Variants in YEATS4 observed in about 807,000 individuals in gnomAD.
YEATS4 encodes YEATS domain containing 4, also known as YEATS domain-containing protein 4.
A neutral mutation model predicts 30.1 loss-of-function variants in YEATS4; 17 were observed. That is an observed-to-expected ratio of 0.56 (90% CI 0.39 to 0.85). The LOEUF is 0.85. Among genes scored for constraint, YEATS4 ranks in the 40% least tolerant of loss-of-function variants. The probability of loss-of-function intolerance (pLI) is 0.00; values close to 1 mark genes in which losing one functional copy is unlikely to be tolerated. For synonymous variants in YEATS4, 85 were observed against 87.5 expected, an observed-to-expected ratio of 0.97 and a Z score of 0.16; for missense variants, 142 against 268.3, an observed-to-expected ratio of 0.53 and a Z score of 3.29.
At chr12:69,374,929 G>A (rs979420909) in intron 6 of YEATS4, among the ~76,000 whole-genome samples, 3 of 142,432 alleles carry the variant, frequency 2.1e-5, no homozygotes, top group Non-Finnish European at 4.6e-5. Flanking sequence ...CGGGCAGAGG[G>A]GCTCCTCACT....
chr12:69,397,831 A>T, the YEATS4 span, among the ~76,000 whole-genome samples: 1 of 152,132 alleles, frequency 6.6e-6, no homozygotes, highest in African/African-American at 2.4e-5. Context: ...GGAGAAACTA[A>T]TCCTGCCCAC....
chr12:69,401,515 T>C, the YEATS4 span, among the ~76,000 whole-genome samples: 1 of 152,144 alleles, frequency 6.6e-6, no homozygotes, highest in East Asian at 1.9e-4. Context: ...ACCTAAGCAG[T>C]GCTGCTAGGT....
chr12:69,377,715 C>CT (rs1225856424), intron 6 of YEATS4, among the ~76,000 whole-genome samples: 1 of 150,710 alleles, frequency 6.6e-6, no homozygotes, highest in Non-Finnish European at 1.5e-5. Flanking sequence ...ACATTACTTG[C>CT]TTTTTTAAAA....
At chr12:69,419,817 C>T in the YEATS4 span, among the ~76,000 whole-genome samples, 1 of 152,190 alleles carries the variant, frequency 6.6e-6, no homozygotes, top group Non-Finnish European at 1.5e-5. Flanking sequence ...GCTAGTAAGA[C>T]ATTTGAGAAA....
chr12:69,406,680 T>TA, the YEATS4 span, among the ~76,000 whole-genome samples: 376 of 152,346 alleles, frequency 2.5e-3, 2 homozygotes, highest in Middle Eastern at 0.01. Context: ...TTTCACTTAA[T>TA]ATTATATGTC....
chr12:69,418,186 T>A, the YEATS4 span, among the ~76,000 whole-genome samples: 7 of 152,304 alleles, frequency 4.6e-5, no homozygotes, highest in Admixed American at 1.3e-4. Context: ...AGTTCCAAAA[T>A]CTTTCATTTC....
chr12:69,361,359 C>A (rs1382758271), intron 1 of YEATS4: 1 of 152,120 alleles, frequency 6.6e-6, no homozygotes, highest in Non-Finnish European at 1.5e-5. Flanking sequence ...GCAACCTCCA[C>A]CTCCTGGATT....
the YEATS4 span, among the ~76,000 whole-genome samples, chr12:69,425,827 T>G: frequency 6.6e-6 from 1 of 152,226 alleles, no homozygotes; most frequent in Admixed American, 6.5e-5. Context: ...CAACCCACTG[T>G]GTGATCTCAT....
At chr12:69,405,024 A>C in the YEATS4 span, among the ~76,000 whole-genome samples, 1 of 152,356 alleles carries the variant, frequency 6.6e-6, no homozygotes, top group East Asian at 1.9e-4. Flanking sequence ...AGAGAGAGGA[A>C]GATACGGCCT....
At chr12:69,372,774 T>G (rs630725) in intron 6 of YEATS4, among the ~76,000 whole-genome samples, 69,960 of 151,814 alleles carry the variant, frequency 0.46, 16,160 homozygotes, top group Non-Finnish European at 0.5. Flanking sequence ...CTGACCTCAG[T>G]TAATCCACCC....
rs188330661 is a variant in YEATS4, at chr12:69,372,971, C to T, written c.514+1996C>T. On this transcript the variant is annotated intron_variant, in intron 6 of 6. Coordinates refer to ENST00000247843, the MANE Select transcript of YEATS4 (RefSeq NM_006530.4). ...TTGTTTGGAATGACAGGATTTCATT[C>T]CTTTTTTATGGCTGAATAGTACTCT... 1.7e-3 allele frequency among the ~76,000 whole-genome samples: 255 copies of T among 152,284 alleles called. 1 individual carries two copies. Among genetic ancestry groups the T allele is most frequent in the Middle Eastern group, 3.4e-3 (1 of 294 alleles).
the YEATS4 span, among the ~76,000 whole-genome samples, chr12:69,421,273 A>G: frequency 2.0e-5 from 3 of 152,230 alleles, no homozygotes; most frequent in South Asian, 6.2e-4. Context: ...AAAGATAGAT[A>G]TTAAGAATCA....
the YEATS4 span, among the ~76,000 whole-genome samples, chr12:69,398,446 T>G: frequency 2.0e-5 from 3 of 152,106 alleles, no homozygotes; most frequent in South Asian, 6.2e-4. Flanking sequence ...TTAAAAAAAT[T>G]TCATTTATAA....
At chr12:69,371,079 GT>G in intron 6 of YEATS4, 104 bp downstream of exon 6, 5 of 1,086,288 alleles carry the variant, frequency 4.6e-6, no homozygotes, top group East Asian at 2.6e-5. Flanking sequence ...AAATAGGTAA[GT>G]TTTTTAGGTG....
chr12:69,394,936 C>T (rs1220826410), downstream of YEATS4, among the ~76,000 whole-genome samples: 2 of 152,050 alleles, frequency 1.3e-5, no homozygotes, highest in Non-Finnish European at 2.9e-5. Context: ...ACATACTATA[C>T]TTTTATTTGC....
At chr12:69,415,955 G>C in the YEATS4 span, among the ~76,000 whole-genome samples, 1 of 152,206 alleles carries the variant, frequency 6.6e-6, no homozygotes, top group Non-Finnish European at 1.5e-5. Flanking sequence ...AAGAAGCCTT[G>C]CAATACATTT....
At chr12:69,401,532 C>CT in the YEATS4 span, among the ~76,000 whole-genome samples, 1 of 152,168 alleles carries the variant, frequency 6.6e-6, no homozygotes, top group South Asian at 2.1e-4. Context: ...AGGTAGACTG[C>CT]TGCAGGGAGT....
At chr12:69,397,529 T>A in the YEATS4 span, among the ~76,000 whole-genome samples, 1 of 152,126 alleles carries the variant, frequency 6.6e-6, no homozygotes, top group African/African-American at 2.4e-5. Context: ...TAAAGGGTAG[T>A]TCCCCTGCAC....
the YEATS4 span, among the ~76,000 whole-genome samples, chr12:69,412,513 C>T: frequency 6.6e-6 from 1 of 151,908 alleles, no homozygotes; most frequent in Non-Finnish European, 1.5e-5. Context: ...ATTAGCTCGG[C>T]GTGGTGGCAG....
Sources: gnomAD v4.1 joint callset for allele counts (sites outside exome capture counted in the v4.1 genomes callset) on GRCh38, gnomAD v4.1.1 for gene constraint, MANE v1.5 for transcripts, NCBI Gene and HGNC (gene_info 2026-07-23, HGNC 2026-07-21) for gene names.